The following CNTN5 variants were observed in gnomAD, a reference collection of about 807,000 sequenced individuals.
CNTN5 encodes the protein contactin 5, also known as contactin-5.
A neutral mutation model predicts 129.1 loss-of-function variants in CNTN5; 77 were observed. The ratio of observed to expected loss-of-function variants is 0.60; its 90% CI spans 0.50 to 0.72. The LOEUF (loss-of-function observed/expected upper bound fraction) is 0.72, where lower values mean the gene tolerates loss of function less well. Ranked by LOEUF, CNTN5 falls within the 30% of genes least tolerant of loss-of-function variation. The pLI is 0.00. For missense variants in CNTN5, 1,478 were observed against 1,328.8 expected, an observed-to-expected ratio of 1.11 and a Z score of -1.75; for synonymous variants, 509 against 465.6, an observed-to-expected ratio of 1.09 and a Z score of -1.20.
rs572837408 is a variant in CNTN5 at position 99,428,368 on chromosome 11, C to T, written c.-71+102884C>T. Among the ~76,000 whole-genome samples the T allele has an allele frequency of 1.4e-4, 21 of 151,642 alleles. No individual in the cohort carries two copies. The South Asian group carries it at 4.2e-3, about 30-fold the overall frequency. On this transcript the variant is annotated intron_variant, in intron 2 of 24. Coordinates refer to ENST00000524871, the MANE Select transcript of CNTN5 (RefSeq NM_014361.4). Reference sequence around the variant, plus strand: ...TGAGCTCAGGAGTTGAAGACCAGCCCGGGCAATATGGTGAAACCTCATCTC... The same window carrying T: ...TGAGCTCAGGAGTTGAAGACCAGCCTGGGCAATATGGTGAAACCTCATCTC...
chr11:99,793,411 T>C (rs1247317518), intron 3 of CNTN5, among the ~76,000 whole-genome samples: 1 of 140,190 alleles, frequency 7.1e-6, no homozygotes, highest in Non-Finnish European at 1.6e-5. Flanking sequence ...TAATCTTCTG[T>C]ATGGTTTTTC....
intron 13 of CNTN5, among the ~76,000 whole-genome samples, chr11:100,131,051 T>C (rs1256618834): frequency 6.6e-6 from 1 of 152,068 alleles, no homozygotes; most frequent in East Asian, 1.9e-4. Flanking sequence ...AAATTCAGAG[T>C]TAAAATGTTA....
intron 13 of CNTN5, among the ~76,000 whole-genome samples, chr11:100,161,830 T>TACACATACACACACACCCAC (rs59930760): frequency 7.9e-6 from 1 of 125,834 alleles, no homozygotes; most frequent in African/African-American, 3.4e-5. Flanking sequence ...TGGAGCTTCC[T>TACACATACACACACACCCAC]ACACACACAC....
intron 1 of CNTN5, among the ~76,000 whole-genome samples, chr11:99,071,726 T>G (rs1045728898): frequency 2.0e-5 from 3 of 152,152 alleles, no homozygotes; most frequent in African/African-American, 7.2e-5. Flanking sequence ...TTGCTTTATT[T>G]ATGAACAACT....
chr11:99,278,853 C>G (rs774862585), intron 1 of CNTN5, among the ~76,000 whole-genome samples: 1 of 151,700 alleles, frequency 6.6e-6, no homozygotes, highest in African/African-American at 2.4e-5. Flanking sequence ...TCCCACAGCA[C>G]AAAGCACTTT....
rs148733809 is a variant in CNTN5 at position 99,084,991 on chromosome 11, C to T, written c.-210+63721C>T. 3.8e-3 allele frequency among the ~76,000 whole-genome samples: 572 copies of T among 151,916 alleles called. 2 individuals are homozygous for T. The highest frequency in any genetic ancestry group is 0.017 in the Middle Eastern group (5 of 294). ...TGGCAAAGTTTAATTTTCATTTTCA[C>T]ATTATGTTGGTGAGGAAAGAAGATT... On this transcript the variant is annotated intron_variant, in intron 1 of 24. Coordinates refer to ENST00000524871, the MANE Select transcript of CNTN5 (RefSeq NM_014361.4).
At chr11:99,251,476 CT>C (rs374258202) in intron 1 of CNTN5, among the ~76,000 whole-genome samples, 106 of 150,132 alleles carry the variant, frequency 7.1e-4, no homozygotes, top group East Asian at 2.5e-3. Context: ...TCTTCCATAT[CT>C]TTTTTTTTAA....
At chr11:99,411,409 A>G (rs987332263) in intron 2 of CNTN5, among the ~76,000 whole-genome samples, 27 of 152,280 alleles carry the variant, frequency 1.8e-4, no homozygotes, top group Admixed American at 9.2e-4. Context: ...AGTCCCAGCT[A>G]TTTGGGAGAC....
chr11:100,277,876 A>AG (rs1950548618), intron 18 of CNTN5, among the ~76,000 whole-genome samples: 3 of 152,108 alleles, frequency 2.0e-5, no homozygotes, highest in Admixed American at 1.3e-4. Flanking sequence ...TTGCTCAAGA[A>AG]GTCTTTGCCT....
intron 2 of CNTN5, among the ~76,000 whole-genome samples, chr11:99,357,055 T>C (rs1938724548): frequency 1.3e-5 from 2 of 152,236 alleles, no homozygotes; most frequent in Admixed American, 1.3e-4. Flanking sequence ...AGTATAATGT[T>C]ATGCAATTTA....
intron 9 of CNTN5, among the ~76,000 whole-genome samples, chr11:100,004,878 T>C (rs1014834598): frequency 9.2e-5 from 14 of 152,182 alleles, no homozygotes; most frequent in Admixed American, 3.9e-4. Context: ...GAAATTTATA[T>C]CCTGACTTCT....
intron 1 of CNTN5, among the ~76,000 whole-genome samples, chr11:99,061,667 T>C (rs899894358): frequency 6.6e-6 from 1 of 151,996 alleles, no homozygotes; most frequent in African/African-American, 2.4e-5. Flanking sequence ...CAATTTTCAG[T>C]TGGATTTGAC....
intron 3 of CNTN5, among the ~76,000 whole-genome samples, chr11:99,682,928 C>T (rs539805496): frequency 5.3e-4 from 80 of 152,014 alleles, no homozygotes; most frequent in African/African-American, 1.8e-3. Context: ...CAACCACACA[C>T]ATACAGAACA....
chr11:99,555,870 C>G (rs1948647472), intron 2 of CNTN5, among the ~76,000 whole-genome samples: 1 of 151,738 alleles, frequency 6.6e-6, no homozygotes, highest in Non-Finnish European at 1.5e-5. Context: ...AAAATTATCC[C>G]CATTAGAACC....
intron 1 of CNTN5, among the ~76,000 whole-genome samples, chr11:99,266,864 G>C (rs1461761071): frequency 6.6e-6 from 1 of 151,970 alleles, no homozygotes; most frequent in Non-Finnish European, 1.5e-5. Context: ...AGATAAGTAT[G>C]CGCAACCTCA....
chr11:100,227,823 T>C (rs1949411029), intron 16 of CNTN5, among the ~76,000 whole-genome samples: 1 of 152,050 alleles, frequency 6.6e-6, no homozygotes, highest in South Asian at 2.1e-4. Context: ...TAAAGATGAG[T>C]AGAACTCGAT....
intron 1 of CNTN5, among the ~76,000 whole-genome samples, chr11:99,298,277 G>T (rs1227742099): frequency 6.6e-6 from 1 of 152,238 alleles, no homozygotes; most frequent in Non-Finnish European, 1.5e-5. Context: ...GACTCCAGGG[G>T]TGCCTCGTGG....
chr11:99,951,326 T>C (rs35818133), intron 7 of CNTN5, among the ~76,000 whole-genome samples: 1 of 152,112 alleles, frequency 6.6e-6, no homozygotes, highest in Non-Finnish European at 1.5e-5. Context: ...GCTAATTTTT[T>C]CCCAGCTCTA....
intron 3 of CNTN5, among the ~76,000 whole-genome samples, chr11:99,557,226 A>G (rs918396487): frequency 1.3e-5 from 2 of 151,312 alleles, no homozygotes; most frequent in Non-Finnish European, 3.0e-5. Context: ...TCAGTACTCT[A>G]TGCAAATATT....
Sources: allele counts gnomAD v4.1 joint callset (sites outside exome capture counted in the v4.1 genomes callset), GRCh38; gene constraint gnomAD v4.1.1; transcripts MANE v1.5; gene names NCBI Gene and HGNC (gene_info 2026-07-23, HGNC 2026-07-21).